Variants in CCDC40 observed in about 807,000 individuals in gnomAD.
CCDC40 encodes the protein coiled-coil domain 40 molecular ruler complex subunit, also known as coiled-coil domain-containing protein 40.
In CCDC40, 104 loss-of-function variants were observed where a neutral mutation model predicts 124.5. The observed-to-expected ratio is 0.84, with a 90% confidence interval of 0.71 to 0.98. The LOEUF (loss-of-function observed/expected upper bound fraction) is 0.98. CCDC40 is among the 50% of genes least tolerant of loss of function. The probability of loss-of-function intolerance (pLI) is 0.00; values close to 1 mark genes in which losing one functional copy is unlikely to be tolerated. For missense variants in CCDC40, 1,463 were observed against 1,503.9 expected, an observed-to-expected ratio of 0.97 and a Z score of 0.45; for synonymous variants, 580 against 602.9, an observed-to-expected ratio of 0.96 and a Z score of 0.56.
In CCDC40 at chr17:80,050,087, A is replaced by C. The variant is rs747874316; in HGVS notation, c.963A>C (p.Arg321=). 6.2e-7 allele frequency: 1 copy of C among 1,613,734 alleles called. No homozygotes were observed. Among genetic ancestry groups the C allele is most frequent in the Admixed American group, 1.7e-5 (1 of 59,994 alleles). ...AGGTTGTGGCTACCAAGCAGAGCCG[A>C]GCCCAGCGGCAGGAGCTGGGGGTGA... The part of the protein sequence containing the change: ...QELVVATKQS[R]AQRQELGVNL... The change falls in exon 7 of 20, where the codon CGA becomes CGC. Residue 321 remains arginine, a synonymous_variant. Transcript: ENST00000397545.
chr17:80,043,669 C>CAT (rs929659060), intron 3 of CCDC40, among the ~76,000 whole-genome samples: 7 of 149,468 alleles, frequency 4.7e-5, no homozygotes, highest in African/African-American at 1.5e-4. Flanking sequence ...AAGCACTCAC[C>CAT]ATCACGCCCG....
At chr17:80,057,071 A>G (rs1371134330) in intron 7 of CCDC40, among the ~76,000 whole-genome samples, 1 of 151,392 alleles carries the variant, frequency 6.6e-6, no homozygotes, top group Non-Finnish European at 1.5e-5. Context: ...GCAAGTCCTC[A>G]AAGAGAACTT....
intron 9 of CCDC40, among the ~76,000 whole-genome samples, chr17:80,064,440 G>A (rs1392294458): frequency 3.9e-5 from 6 of 152,090 alleles, no homozygotes; most frequent in Non-Finnish European, 8.8e-5. Flanking sequence ...AAACAAGACC[G>A]CGATCCAGGC....
chr17:80,043,078 ATAT>A (rs2037322942), intron 3 of CCDC40, among the ~76,000 whole-genome samples: 1 of 152,056 alleles, frequency 6.6e-6, no homozygotes, highest in Non-Finnish European at 1.5e-5. Flanking sequence ...TGGTTTATTT[ATAT>A]TCTTACATCT....
chr17:80,067,712 T>C (rs2038083767), intron 10 of CCDC40: 1 of 1,526,292 alleles, frequency 6.6e-7, no homozygotes, highest in South Asian at 1.2e-5. Context: ...TAGCCTTTTT[T>C]ATATTGCCTA....
At chr17:80,037,688 A>AAAAAAATATATATATATAT in intron 1 of CCDC40, among the ~76,000 whole-genome samples, 1 of 45,710 alleles carries the variant, frequency 2.2e-5, no homozygotes, top group African/African-American at 5.9e-5. Flanking sequence ...TTTTTTAAAA[A>AAAAAAATATATATATATAT]AGATATACAT....
chr17:80,061,243 G>A (rs1214357168), intron 9 of CCDC40, among the ~76,000 whole-genome samples: 3 of 152,214 alleles, frequency 2.0e-5, no homozygotes, highest in African/African-American at 7.2e-5. Context: ...CTACTTGGGA[G>A]GCTGAGGCAG....
In CCDC40 at chr17:80,088,053, C is replaced by T; in HGVS notation, c.2662C>T (p.Gln888Ter). ...ETIKMQDKLN[Q>*]LSEEKATLLN... is the part of the protein sequence containing the mutation. ...CATCAAGATGCAGGACAAGCTGAAC[C>T]AGCTCAGCGAGGAGAAGGCGACCCT... The change falls in exon 16 of 20, where the codon CAG becomes TAG. Residue 888 changes from glutamine to a stop codon, truncating the protein, a stop_gained. Coordinates refer to ENST00000397545, the MANE Select transcript of CCDC40 (RefSeq NM_017950.4). LOFTEE classifies it high-confidence loss of function. 6.2e-7 allele frequency: 1 copy of T among 1,613,916 alleles called. No individual in the cohort carries two copies. The highest frequency in any genetic ancestry group is 2.2e-5 in the East Asian group (1 of 44,870).
intron 10 of CCDC40, 103 bp from the exon 11 acceptor site, chr17:80,081,443 C>A: frequency 8.9e-7 from 1 of 1,125,364 alleles, no homozygotes; most frequent in Non-Finnish European, 1.3e-6. Context: ...TTTCTCTGTG[C>A]ATTGAGTTCG....
In CCDC40 at chr17:80,088,045, A is replaced by G; in HGVS notation, c.2654A>G (p.Lys885Arg). The G allele has an allele frequency of 1.9e-6, 3 of 1,613,930 alleles. No homozygotes were observed. Among genetic ancestry groups the G allele is most frequent in the Non-Finnish European group, 1.7e-6 (2 of 1,179,886 alleles). The change falls in exon 16 of 20, where the codon AAG (lysine) becomes AGG (arginine). Residue 885 changes from lysine to arginine, a missense_variant. By Grantham distance (26) the Lys-to-Arg change is conservative. Coordinates refer to ENST00000397545, the MANE Select transcript of CCDC40 (RefSeq NM_017950.4). ...AGGGAGACCATCAAGATGCAGGACA[A>G]GCTGAACCAGCTCAGCGAGGAGAAG... ...SERETIKMQDKLNQLSEEKAT... is the reference protein window; with the variant it reads ...SERETIKMQDRLNQLSEEKAT...
intron 16 of CCDC40, 122 bp from the exon 17 acceptor site, chr17:80,089,642 T>C: frequency 8.3e-7 from 1 of 1,207,952 alleles, no homozygotes; most frequent in Non-Finnish European, 1.2e-6. Flanking sequence ...TCACGCTTTC[T>C]GTCGCAGCTG....
intron 5 of CCDC40, 123 bp downstream of exon 5, chr17:80,048,884 C>A (rs2037501905): frequency 9.0e-6 from 8 of 891,810 alleles, no homozygotes; most frequent in Non-Finnish European, 1.4e-5. Context: ...CTCGCCTGTT[C>A]ACTGCACCGT....
At position 80,037,956 on chromosome 17, in the gene CCDC40, G is replaced by T. The variant is rs1340606872; in HGVS notation, c.30-167G>T. On this transcript the variant is annotated intron_variant, in intron 1 of 19. Coordinates refer to ENST00000397545, the MANE Select transcript of CCDC40 (RefSeq NM_017950.4). The stretch of plus-strand genomic sequence containing the variant: ...GGCATCTCCGCCACCTGACAGGCAT[G>T]ATATAGTGCTATGGTTCCTGACAAA... 6.5e-6 allele frequency: 4 copies of T among 613,018 alleles called. No individual in the cohort carries two copies. In the African/African-American group the frequency reaches 7.4e-5, roughly 11 times the overall value. 38.0% of individuals were successfully genotyped at this position (613,018 alleles called of 1,614,324 possible).
At chr17:80,081,387 A>AAATAAATAAAT (rs2038443379) in intron 10 of CCDC40, 159 bp from the exon 11 acceptor site, 1 of 343,784 alleles carries the variant, frequency 2.9e-6, no homozygotes. Context: ...TCTGTCTCAA[A>AAATAAATAAAT]AAATAAATAA....
At position 80,099,820 on chromosome 17, in the gene CCDC40, C is replaced by T. The variant is rs776049093; in HGVS notation, c.*45C>T. ...CTTGCAAGGCCTCCAGGAAGAGATC[C>T]GGAATTGTGTTTGTCATGAGGGACT... On this transcript the variant is annotated 3_prime_UTR_variant, in exon 20 of 20. Coordinates refer to ENST00000397545, the MANE Select transcript of CCDC40 (RefSeq NM_017950.4). The T allele has an allele frequency of 1.2e-6, 2 of 1,603,968 alleles. No homozygotes were observed. Among genetic ancestry groups the T allele is most frequent in the East Asian group, 2.2e-5 (1 of 44,802 alleles).
intron 13 of CCDC40, among the ~76,000 whole-genome samples, chr17:80,085,640 C>G (rs2038567795): frequency 6.6e-6 from 1 of 150,772 alleles, no homozygotes; most frequent in Admixed American, 6.6e-5. Flanking sequence ...TCACAAAGAC[C>G]TTTGAGCCCA....
At chr17:80,080,888 G>C (rs528869943) in intron 10 of CCDC40, among the ~76,000 whole-genome samples, 3 of 152,304 alleles carry the variant, frequency 2.0e-5, no homozygotes, top group Admixed American at 2.0e-4. Context: ...CGGTAAGTTA[G>C]TGTATATTTC....
At chr17:80,090,665 G>A (rs932886843) in intron 17 of CCDC40, 19 of 1,435,120 alleles carry the variant, frequency 1.3e-5, no homozygotes, top group Admixed American at 2.8e-5. Flanking sequence ...CTTCACAGCC[G>A]CGTTGTCTCT....
chr17:80,071,220 C>T lies in CCDC40; in HGVS notation c.1562+5614C>T, dbSNP rs2038178622. On this transcript the variant is annotated intron_variant, in intron 10 of 19. Transcript: ENST00000397545. ...GCCTGGGACTTGGAGCCAAAAGCAC[C>T]CGTGCTCTTACCTGCCTTTGTCCTA... Among the ~76,000 whole-genome samples, 4 of 152,348 alleles carry T rather than the reference C, an allele frequency of 2.6e-5. No homozygotes were observed. In the South Asian group the frequency reaches 8.3e-4, roughly 32 times the overall value.
Sources: gnomAD v4.1 joint callset for allele counts (sites outside exome capture counted in the v4.1 genomes callset) on GRCh38, gnomAD v4.1.1 for gene constraint, MANE v1.5 for transcripts, NCBI Gene and HGNC (gene_info 2026-07-23, HGNC 2026-07-21) for gene names.